The following SORCS1 variants were observed in gnomAD, a reference collection of about 807,000 sequenced individuals.
The protein encoded by SORCS1 is sortilin related VPS10 domain containing receptor 1, also known as VPS10 domain-containing receptor SorCS1.
SORCS1 carries 60 observed loss-of-function variants against 146.1 expected under a neutral mutation model. The observed-to-expected ratio is 0.41, with a 90% CI of 0.33 to 0.51. The LOEUF is 0.51. Ranked by LOEUF, SORCS1 falls within the 20% of genes least tolerant of loss-of-function variation. The pLI, the probability that SORCS1 is intolerant of heterozygous loss-of-function variation, is 0.21. For synonymous variants in SORCS1, 637 were observed against 584.0 expected, an observed-to-expected ratio of 1.09 and a Z score of -1.31; for missense variants, 1,352 against 1,487.6, an observed-to-expected ratio of 0.91 and a Z score of 1.50.
intron 18 of SORCS1, among the ~76,000 whole-genome samples, chr10:106,645,316 G>A (rs946823031): frequency 5.3e-5 from 8 of 151,920 alleles, no homozygotes; most frequent in African/African-American, 1.7e-4. Context: ...CTACGGGCAC[G>A]TGCCACCATG....
chr10:106,974,709 G>A (rs917464390), intron 1 of SORCS1, among the ~76,000 whole-genome samples: 2 of 152,162 alleles, frequency 1.3e-5, no homozygotes, highest in Non-Finnish European at 2.9e-5. Context: ...CAGAACTACA[G>A]TAGGAGAAAC....
chr10:106,994,083 A>AAAAAG (rs1956893224), intron 1 of SORCS1, among the ~76,000 whole-genome samples: 2 of 150,378 alleles, frequency 1.3e-5, no homozygotes, highest in Admixed American at 6.6e-5. Flanking sequence ...AAAAAAAAAA[A>AAAAAG]AAAAGAAAAT....
At chr10:106,995,403 G>A (rs976589856) in intron 1 of SORCS1, among the ~76,000 whole-genome samples, 2 of 152,066 alleles carry the variant, frequency 1.3e-5, no homozygotes, top group Non-Finnish European at 2.9e-5. Flanking sequence ...ACATCTGTCT[G>A]GATGGGCAGG....
intron 1 of SORCS1, among the ~76,000 whole-genome samples, chr10:107,162,432 T>A (rs1187690536): frequency 6.6e-6 from 1 of 152,192 alleles, no homozygotes; most frequent in Non-Finnish European, 1.5e-5. Flanking sequence ...TTAGTGGCTA[T>A]GATATGAAAG....
chr10:106,679,422 T>C (rs1307759432), intron 11 of SORCS1, 90 bp from the exon 12 acceptor site: 1 of 1,137,792 alleles, frequency 8.8e-7, no homozygotes, highest in Non-Finnish European at 1.3e-6. Flanking sequence ...GAGAAAGATT[T>C]TGACTGCAAG....
chr10:106,881,460 C>T (rs1950802812), intron 2 of SORCS1, among the ~76,000 whole-genome samples: 1 of 152,176 alleles, frequency 6.6e-6, no homozygotes, highest in Non-Finnish European at 1.5e-5. Context: ...AATCCCACTC[C>T]TGGTCTTTAA....
At chr10:106,636,039 T>G (rs1368384267) in intron 18 of SORCS1, among the ~76,000 whole-genome samples, 1 of 152,108 alleles carries the variant, frequency 6.6e-6, no homozygotes, top group African/African-American at 2.4e-5. Context: ...AGAGAAGAGA[T>G]TTCATCAGCC....
intron 24 of SORCS1, among the ~76,000 whole-genome samples, chr10:106,588,876 A>AG: frequency 6.6e-6 from 1 of 150,592 alleles, no homozygotes; most frequent in Non-Finnish European, 1.5e-5. Flanking sequence ...AAAAAAAAAA[A>AG]AAAAAAAAAA....
chr10:107,048,052 C>A (rs759523098), intron 1 of SORCS1, among the ~76,000 whole-genome samples: 3 of 151,946 alleles, frequency 2.0e-5, no homozygotes, highest in East Asian at 1.9e-4. Flanking sequence ...CATGTCACTG[C>A]ACTCCTAGGC....
At chr10:106,807,514 G>A (rs1947249364) in intron 3 of SORCS1, among the ~76,000 whole-genome samples, 1 of 152,130 alleles carries the variant, frequency 6.6e-6, no homozygotes, top group South Asian at 2.1e-4. Flanking sequence ...TCTCTTGGTT[G>A]GTGATTTCTG....
chr10:107,044,201 C>T (rs61036620), intron 1 of SORCS1, among the ~76,000 whole-genome samples: 16 of 152,140 alleles, frequency 1.1e-4, no homozygotes, highest in African/African-American at 3.4e-4. Context: ...CACCTTGATT[C>T]TCAATATCAA....
At position 106,981,913 on chromosome 10, in the gene SORCS1, A is replaced by G. The variant is rs538511144; in HGVS notation, c.559-25333T>C. Among the ~76,000 whole-genome samples the G allele has an allele frequency of 1.1e-4, 16 of 152,320 alleles. 1 individual carries two copies. The highest frequency in any genetic ancestry group is 6.8e-3 in the Middle Eastern group (2 of 294). Reference sequence around the variant, plus strand: ...ATGGATCTCCTAAGAGAAGCCCACGAAATAGTGCAAGCACAAAACATCCAT... The same window carrying G: ...ATGGATCTCCTAAGAGAAGCCCACGGAATAGTGCAAGCACAAAACATCCAT... On this transcript the variant is annotated intron_variant, in intron 1 of 25. Transcript: ENST00000263054.
intron 24 of SORCS1, among the ~76,000 whole-genome samples, chr10:106,593,128 CAAA>C (rs1211788882): frequency 6.2e-5 from 5 of 80,726 alleles, no homozygotes; most frequent in African/African-American, 4.5e-5. Flanking sequence ...GACCCCATCT[CAAA>C]AAAAAAAAAA....
intron 13 of SORCS1, among the ~76,000 whole-genome samples, 189 bp from the exon 14 acceptor site, chr10:106,675,345 C>T (rs936188155): frequency 2.6e-5 from 4 of 151,920 alleles, no homozygotes; most frequent in African/African-American, 9.7e-5. Context: ...GCCAAGCCAC[C>T]GGGACACAGA....
chr10:107,122,148 T>TA (rs1966447595), intron 1 of SORCS1, among the ~76,000 whole-genome samples: 1 of 152,182 alleles, frequency 6.6e-6, no homozygotes, highest in South Asian at 2.1e-4. Context: ...GGTCACCTCA[T>TA]AAGGGAAAAT....
rs986874345 is a variant in SORCS1, at chr10:106,710,014, T to G, written c.1025-673A>C. On this transcript the variant is annotated intron_variant, in intron 6 of 25. Coordinates refer to ENST00000263054, the MANE Select transcript of SORCS1 (RefSeq NM_052918.5). The stretch of plus-strand genomic sequence containing the variant: ...TTCATGGTCAATTTTTTCTCATTAG[T>G]AGGTTTCACCTTCACACTTTGATCT... Among the ~76,000 whole-genome samples, 10 of 152,204 alleles carry G rather than the reference T, an allele frequency of 6.6e-5. No individual in the cohort carries two copies. In the East Asian group the frequency reaches 1.9e-3, roughly 29 times the overall value.
intron 3 of SORCS1, among the ~76,000 whole-genome samples, chr10:106,817,211 GC>G (rs141285957): frequency 0.031 from 4,703 of 152,264 alleles, 82 homozygotes; most frequent in East Asian, 0.058. Flanking sequence ...TTCCTGGACA[GC>G]CTGGAATCCA....
At chr10:106,655,832 A>C (rs1850241231) in intron 17 of SORCS1, among the ~76,000 whole-genome samples, 1 of 152,130 alleles carries the variant, frequency 6.6e-6, no homozygotes, top group Admixed American at 6.5e-5. Context: ...GCATTACAGA[A>C]TGGTTCTATT....
At chr10:106,958,642 C>T (rs1193865580) in intron 1 of SORCS1, among the ~76,000 whole-genome samples, 2 of 129,878 alleles carry the variant, frequency 1.5e-5, no homozygotes, top group Admixed American at 1.5e-4. Flanking sequence ...TCCTAAACTA[C>T]AGCACAGCTT....
Sources: allele counts gnomAD v4.1 joint callset (sites outside exome capture counted in the v4.1 genomes callset), GRCh38; gene constraint gnomAD v4.1.1; transcripts MANE v1.5; gene names NCBI Gene and HGNC (gene_info 2026-07-23, HGNC 2026-07-21).